Variants in HMCN1 observed in about 807,000 individuals in gnomAD.
HMCN1 encodes the protein hemicentin 1.
A neutral mutation model predicts 625.9 loss-of-function variants in HMCN1; 321 were observed. The ratio of observed to expected loss-of-function variants is 0.51; its 90% CI spans 0.47 to 0.56. HMCN1 has a LOEUF of 0.56. Ranked by LOEUF, HMCN1 falls within the 20% of genes least tolerant of loss-of-function variation. The probability of loss-of-function intolerance (pLI) is 0.00; values close to 1 mark genes in which losing one functional copy is unlikely to be tolerated. For missense variants in HMCN1, 6,588 were observed against 6,887.3 expected, an observed-to-expected ratio of 0.96 and a Z score of 1.54; for synonymous variants, 2,425 against 2,417.6, an observed-to-expected ratio of 1.00 and a Z score of -0.09.
At chr1:186,108,035 TAAAAAAAAA>T (rs559777006) in intron 70 of HMCN1, among the ~76,000 whole-genome samples, 1 of 98,310 alleles carries the variant, frequency 1.0e-5, no homozygotes, top group Admixed American at 1.1e-4. Context: ...GTAAATTCTG[TAAAAAAAAA>T]AAAAAAAAAA....
At chr1:186,094,222 G>A (rs972509335) in intron 66 of HMCN1, 54 bp from the exon 67 acceptor site, 2 of 1,264,948 alleles carry the variant, frequency 1.6e-6, no homozygotes, top group Non-Finnish European at 2.3e-6. Context: ...ATTATTTTAT[G>A]TGTACTTGTT....
chr1:186,158,698 T>C (rs1229922925), intron 97 of HMCN1, among the ~76,000 whole-genome samples: 1 of 152,224 alleles, frequency 6.6e-6, no homozygotes, highest in African/African-American at 2.4e-5. Context: ...AGGGAGTCCT[T>C]TCCCCATTGC....
At chr1:185,851,559 C>T (rs576782277) in intron 2 of HMCN1, among the ~76,000 whole-genome samples, 7 of 152,212 alleles carry the variant, frequency 4.6e-5, no homozygotes, top group Non-Finnish European at 8.8e-5. Context: ...TGTGCTTTCT[C>T]TCTGGGGAAA....
At chr1:185,886,982 G>C (rs576178211) in intron 4 of HMCN1, among the ~76,000 whole-genome samples, 4 of 152,200 alleles carry the variant, frequency 2.6e-5, no homozygotes, top group Admixed American at 6.5e-5. Context: ...AATTAGGCTA[G>C]CTTTTTTCTG....
intron 4 of HMCN1, among the ~76,000 whole-genome samples, chr1:185,893,711 AT>A (rs1241618136): frequency 3.9e-5 from 6 of 152,196 alleles, no homozygotes; most frequent in African/African-American, 1.4e-4. Flanking sequence ...AACTTGACAA[AT>A]ATAAAAAACA....
At chr1:186,135,810 T>G (rs1649558570) in intron 86 of HMCN1, among the ~76,000 whole-genome samples, 1 of 152,228 alleles carries the variant, frequency 6.6e-6, no homozygotes, top group African/African-American at 2.4e-5. Context: ...TTTGATCTAT[T>G]ATTTCTATGG....
intron 72 of HMCN1, among the ~76,000 whole-genome samples, chr1:186,113,605 AT>A (rs891203830): frequency 3.3e-5 from 5 of 152,230 alleles, no homozygotes; most frequent in Admixed American, 3.3e-4. Flanking sequence ...TCTGTTCTTC[AT>A]TTAAAGTGAA....
At chr1:185,959,429 C>T (rs769667623) in intron 11 of HMCN1, among the ~76,000 whole-genome samples, 1 of 151,942 alleles carries the variant, frequency 6.6e-6, no homozygotes, top group Non-Finnish European at 1.5e-5. Flanking sequence ...ATTAAGATAC[C>T]CAATTCTTAA....
chr1:185,937,882 AAATAATAATAATAAT>A (rs200950894), intron 11 of HMCN1, among the ~76,000 whole-genome samples: 101 of 142,640 alleles, frequency 7.1e-4, no homozygotes, highest in Non-Finnish European at 1.1e-3. Context: ...CTCCATCTCA[AAATAATAATAATAAT>A]AATAATAATA....
chr1:186,178,340 C>T, intron 103 of HMCN1, 76 bp from the exon 104 acceptor site: 1 of 1,051,960 alleles, frequency 9.5e-7, no homozygotes, highest in Non-Finnish European at 1.5e-6. Context: ...TTCACAGACT[C>T]ATTCTTTATT....
intron 5 of HMCN1, among the ~76,000 whole-genome samples, chr1:185,910,839 G>A (rs949095018): frequency 9.2e-5 from 14 of 152,134 alleles, no homozygotes; most frequent in African/African-American, 2.9e-4. Context: ...AAAGTGTTGG[G>A]ATTACAGGCG....
At chr1:186,052,924 GA>G (rs1199764781) in intron 42 of HMCN1, 27 bp from the exon 43 acceptor site, 1 of 1,567,246 alleles carries the variant, frequency 6.4e-7, no homozygotes. Flanking sequence ...GAAATGAGTG[GA>G]AAAATCATAT....
intron 1 of HMCN1, among the ~76,000 whole-genome samples, chr1:185,751,437 T>A (rs1306144876): frequency 6.6e-6 from 1 of 152,142 alleles, no homozygotes; most frequent in Non-Finnish European, 1.5e-5. Flanking sequence ...TTTAAAATTA[T>A]CTCTGTCTTC....
At chr1:186,160,042 A>G (rs1331204951) in intron 97 of HMCN1, among the ~76,000 whole-genome samples, 6 of 151,242 alleles carry the variant, frequency 4.0e-5, no homozygotes, top group African/African-American at 9.7e-5. Context: ...CTGTGAATCC[A>G]TCTGGTCCTG....
At chr1:186,133,307 A>AAGAT (rs1457367297) in intron 86 of HMCN1, among the ~76,000 whole-genome samples, 2 of 152,200 alleles carry the variant, frequency 1.3e-5, no homozygotes, top group African/African-American at 4.8e-5. Flanking sequence ...ATGGCACTTT[A>AAGAT]AGATATTTAT....
At chr1:186,102,034 G>T (rs1387063342) in intron 68 of HMCN1, among the ~76,000 whole-genome samples, 2 of 152,102 alleles carry the variant, frequency 1.3e-5, no homozygotes, top group Admixed American at 1.3e-4. Flanking sequence ...CTTGTTGAGA[G>T]ATTTGAAGTC....
chr1:186,174,432 T>C, intron 102 of HMCN1, 82 bp from the exon 103 acceptor site: 1 of 1,539,850 alleles, frequency 6.5e-7, no homozygotes, highest in Non-Finnish European at 9.0e-7. Flanking sequence ...CCTTTGGCAA[T>C]TCTACAGAAT....
chr1:185,908,998 T>C (rs1666258963), intron 4 of HMCN1, among the ~76,000 whole-genome samples: 1 of 151,956 alleles, frequency 6.6e-6, no homozygotes, highest in South Asian at 2.1e-4. Context: ...GTTAGCACTA[T>C]TATGTTTTTA....
At chr1:185,794,179 A>T (rs1658197926) in intron 1 of HMCN1, among the ~76,000 whole-genome samples, 1 of 152,138 alleles carries the variant, frequency 6.6e-6, no homozygotes, top group South Asian at 2.1e-4. Context: ...AGGAAAAAAA[A>T]ACTTTTAAAA....
Sources: allele counts gnomAD v4.1 joint callset (sites outside exome capture counted in the v4.1 genomes callset), GRCh38; gene constraint gnomAD v4.1.1; transcripts MANE v1.5; gene names NCBI Gene and HGNC (gene_info 2026-07-23, HGNC 2026-07-21).